Variants in TTBK2 observed in about 807,000 individuals in gnomAD.
TTBK2 encodes tau tubulin kinase 2.
In TTBK2, 28 loss-of-function variants were observed where a neutral mutation model predicts 110.8. The ratio of observed to expected loss-of-function variants is 0.25; its 90% CI spans 0.19 to 0.35. The LOEUF is 0.35. Ranked by LOEUF, TTBK2 falls within the 10% of genes least tolerant of loss-of-function variation. The pLI is 1.00. For missense variants in TTBK2, 1,369 were observed against 1,500.3 expected, an observed-to-expected ratio of 0.91 and a Z score of 1.45; for synonymous variants, 532 against 527.3, an observed-to-expected ratio of 1.01 and a Z score of -0.12.
rs1247319234 is a variant in TTBK2, at chr15:42,741,123, TCC to T, written c.*4670_*4671del. ...GAGACTTTGTTAAATTTCTCATAATTCCAGAGGGAAGGCCAAAATATTGAGAA... is the reference window on the plus strand; with the variant it reads ...GAGACTTTGTTAAATTTCTCATAATTAGAGGGAAGGCCAAAATATTGAGAA... On this transcript the variant is annotated 3_prime_UTR_variant, in exon 15 of 15. Coordinates refer to ENST00000267890, the MANE Select transcript of TTBK2 (RefSeq NM_173500.4). The T allele has an allele frequency of 2.0e-5, 3 of 152,202 alleles. No individual in the cohort carries two copies. Among genetic ancestry groups the T allele is most frequent in the Non-Finnish European group, 2.9e-5 (2 of 68,038 alleles). 9.4% of individuals were successfully genotyped at this position (152,202 alleles called of 1,614,324 possible). A position where few individuals can be genotyped will look rare whatever the true frequency, so the allele number is the denominator to read the frequency against.
At chr15:42,882,731 T>G (rs780952474) in intron 1 of TTBK2, among the ~76,000 whole-genome samples, 2 of 151,994 alleles carry the variant, frequency 1.3e-5, no homozygotes, top group African/African-American at 2.4e-5. Flanking sequence ...CAGCAAGAAA[T>G]AGAAACACAT....
chr15:42,878,840 A>G (rs1185652745), intron 1 of TTBK2, among the ~76,000 whole-genome samples, 156 bp from the exon 2 acceptor site: 1 of 152,202 alleles, frequency 6.6e-6, no homozygotes, highest in Non-Finnish European at 1.5e-5. Context: ...TTTGATGCGT[A>G]TTTTTAAAAC....
At chr15:42,763,398 G>C (rs1343806980) in intron 13 of TTBK2, among the ~76,000 whole-genome samples, 1 of 148,982 alleles carries the variant, frequency 6.7e-6, no homozygotes, top group East Asian at 2.0e-4. Context: ...GTTTTTAGTA[G>C]ACACAGCGTT....
intron 9 of TTBK2, chr15:42,801,413 G>T: frequency 1.8e-6 from 2 of 1,115,438 alleles, no homozygotes; most frequent in Non-Finnish European, 1.4e-6. Context: ...TATCTGCGTG[G>T]CAGCCTCCAG....
intron 9 of TTBK2, chr15:42,801,579 C>T: frequency 1.3e-6 from 1 of 773,046 alleles, no homozygotes; most frequent in Non-Finnish European, 2.4e-6. Context: ...TACATGCTCT[C>T]AGCCTCAGCC....
At chr15:42,863,031 C>T (rs1279570700) in intron 3 of TTBK2, among the ~76,000 whole-genome samples, 1 of 152,174 alleles carries the variant, frequency 6.6e-6, no homozygotes, top group Non-Finnish European at 1.5e-5. Flanking sequence ...ACTCTTACCA[C>T]TCCTACTCAA....
intron 4 of TTBK2, among the ~76,000 whole-genome samples, chr15:42,833,904 G>GGGA (rs1384268133): frequency 1.3e-4 from 20 of 152,024 alleles, no homozygotes; most frequent in African/African-American, 4.8e-4. Flanking sequence ...CAGGCTACTC[G>GGGA]GGAGGCTGAG....
intron 4 of TTBK2, among the ~76,000 whole-genome samples, chr15:42,838,146 T>A (rs969510169): frequency 2.8e-4 from 43 of 152,150 alleles, no homozygotes; most frequent in African/African-American, 1.0e-3. Context: ...AGGCGGAGGT[T>A]GCAGTGAGCC....
intron 13 of TTBK2, among the ~76,000 whole-genome samples, chr15:42,773,462 A>T (rs968278793): frequency 6.6e-6 from 1 of 152,026 alleles, no homozygotes; most frequent in Non-Finnish European, 1.5e-5. Flanking sequence ...AAAGAAAGAA[A>T]GAAAGAAAAA....
At chr15:42,778,290 CA>C (rs55838282) in intron 11 of TTBK2, among the ~76,000 whole-genome samples, 29 of 127,546 alleles carry the variant, frequency 2.3e-4, no homozygotes, top group East Asian at 1.8e-3. Context: ...AGCAAGTAAG[CA>C]AAAAAAAAAA....
At chr15:42,857,908 C>T (rs1894008324) in intron 3 of TTBK2, among the ~76,000 whole-genome samples, 1 of 151,998 alleles carries the variant, frequency 6.6e-6, no homozygotes, top group South Asian at 2.1e-4. Flanking sequence ...CATGGTGAAA[C>T]TCTGTCTCTA....
chr15:42,825,664 G>A (rs1184621721), intron 6 of TTBK2, among the ~76,000 whole-genome samples: 2 of 152,172 alleles, frequency 1.3e-5, no homozygotes, highest in East Asian at 1.9e-4. Flanking sequence ...GCAGTGAGTC[G>A]AGATGGCGCC....
At chr15:42,834,640 G>A (rs1892916677) in intron 4 of TTBK2, among the ~76,000 whole-genome samples, 1 of 152,182 alleles carries the variant, frequency 6.6e-6, no homozygotes, top group Non-Finnish European at 1.5e-5. Flanking sequence ...AAAACCGTAG[G>A]CCAGGTACCT....
chr15:42,763,139 CATACATATATATATATACAT>C (rs1567008641), intron 13 of TTBK2, among the ~76,000 whole-genome samples: 8 of 57,250 alleles, frequency 1.4e-4, no homozygotes, highest in Non-Finnish European at 1.7e-4. Context: ...TACATATATA[CATACATATATATATATACAT>C]ATATATATAT....
intron 13 of TTBK2, among the ~76,000 whole-genome samples, chr15:42,766,503 C>T (rs1889386907): frequency 7.4e-6 from 1 of 134,518 alleles, no homozygotes; most frequent in Admixed American, 7.2e-5. Flanking sequence ...ATAAAACAGA[C>T]TTTAAACCAA....
At chr15:42,759,032 CA>C (rs1395684710) in intron 13 of TTBK2, among the ~76,000 whole-genome samples, 9 of 152,340 alleles carry the variant, frequency 5.9e-5, no homozygotes, top group Non-Finnish European at 1.2e-4. Flanking sequence ...TTCTGGGGGC[CA>C]GAAGCCACTG....
At chr15:42,868,317 T>C (rs556465781) in intron 3 of TTBK2, among the ~76,000 whole-genome samples, 1 of 152,196 alleles carries the variant, frequency 6.6e-6, no homozygotes, top group South Asian at 2.1e-4. Context: ...GCCCACAGAA[T>C]GTTCAATAAG....
intron 1 of TTBK2, among the ~76,000 whole-genome samples, chr15:42,907,919 AAAT>A (rs1555437490): frequency 2.6e-4 from 38 of 147,672 alleles, no homozygotes; most frequent in Middle Eastern, 3.5e-3. Flanking sequence ...AAAAAAAAAA[AAAT>A]AATAATAATA....
chr15:42,870,628 C>G lies in TTBK2; in HGVS notation c.217+1983G>C, dbSNP rs376257472. On this transcript the variant is annotated intron_variant, in intron 3 of 14. Coordinates refer to ENST00000267890, the MANE Select transcript of TTBK2 (RefSeq NM_173500.4). ...CTGTAATCCCAGTACTTTGGGAGAC[C>G]GAGGTGGGAAGATCATGAGGTCAAG... Among the ~76,000 whole-genome samples the G allele has an allele frequency of 1.8e-4, 28 of 151,612 alleles. 1 individual carries two copies. Among genetic ancestry groups the G allele is most frequent in the Admixed American group, 1.3e-4 (2 of 15,196 alleles).
Sources: allele counts gnomAD v4.1 joint callset (sites outside exome capture counted in the v4.1 genomes callset), GRCh38; gene constraint gnomAD v4.1.1; transcripts MANE v1.5; gene names NCBI Gene and HGNC (gene_info 2026-07-23, HGNC 2026-07-21).